Variants in MME observed in about 807,000 individuals in gnomAD.
MME encodes neprilysin.
Under a neutral mutation model 113.2 loss-of-function variants are expected in MME, and 98 were observed. That is an observed-to-expected ratio of 0.87 (90% CI 0.74 to 1.02). MME has a LOEUF of 1.02. Among genes scored for constraint, MME ranks in the 50% least tolerant of loss-of-function variants. The probability of loss-of-function intolerance (pLI) is 0.00; values close to 1 mark genes in which losing one functional copy is unlikely to be tolerated. For synonymous variants in MME, 292 were observed against 300.6 expected, an observed-to-expected ratio of 0.97 and a Z score of 0.30; for missense variants, 836 against 896.0, an observed-to-expected ratio of 0.93 and a Z score of 0.86.
chr3:155,106,356 C>T lies in MME; in HGVS notation c.197-8638C>T, dbSNP rs527472622. Among the ~76,000 whole-genome samples, 3 of 152,282 alleles carry T rather than the reference C, an allele frequency of 2.0e-5. No individual in the cohort carries two copies. The East Asian group carries it at 5.8e-4, about 29-fold the overall frequency. On this transcript the variant is annotated intron_variant, in intron 3 of 22. Coordinates refer to ENST00000360490, the MANE Select transcript of MME (RefSeq NM_007289.4). ...TACACTCAGCATCTGGTATCCCCCA[C>T]TCTCCATCTTTCTTCAACCAAGGCA... is the stretch of plus-strand genomic sequence containing the variant.
At chr3:155,127,581 G>C (rs553014216) in intron 8 of MME, among the ~76,000 whole-genome samples, 1 of 152,200 alleles carries the variant, frequency 6.6e-6, no homozygotes, top group African/African-American at 2.4e-5. Context: ...AGAGAGGAAG[G>C]TCGTATCATT....
At chr3:155,050,285 T>A (rs1182341922) in intron 1 of MME, among the ~76,000 whole-genome samples, 1 of 152,172 alleles carries the variant, frequency 6.6e-6, no homozygotes, top group Non-Finnish European at 1.5e-5. Context: ...AATAGTTTTG[T>A]GATGAACATA....
upstream of MME, among the ~76,000 whole-genome samples, chr3:155,076,202 G>T (rs1015102765): frequency 1.3e-5 from 2 of 152,190 alleles, no homozygotes; most frequent in African/African-American, 2.4e-5. Flanking sequence ...GCCAAATCAT[G>T]AATTCTTACA....
rs137927579 is a variant in MME at position 155,085,624 on chromosome 3, C to T, written c.196+530C>T. 7.7e-3 allele frequency: 1,182 copies of T among 152,570 alleles called. 10 individuals carry two copies. The highest frequency in any genetic ancestry group is 0.027 in the African/African-American group (1,120 of 41,530). The allele number at this position is 152,570 out of a possible 1,614,324, so 9.5% of individuals were successfully genotyped here. A position where few individuals can be genotyped will look rare whatever the true frequency, so the allele number is the denominator to read the frequency against. ...TCGGCTGACTGCAATCTCCGCCTCC[C>T]GGGTTCTAGCAATTCTCCTGCCTCA... On this transcript the variant is annotated intron_variant, in intron 3 of 22. Transcript: ENST00000360490.
chr3:155,104,149 T>C lies in MME; in HGVS notation c.197-10845T>C, dbSNP rs1336683834. 3.9e-5 allele frequency among the ~76,000 whole-genome samples: 6 copies of C among 152,198 alleles called. No homozygotes were observed. The South Asian group carries it at 1.2e-3, about 32-fold the overall frequency. ...GCAAGCTCTGTGAGGGCAGGGATTATGTCTGTTTATCACACCATGGTATGT... is the reference window on the plus strand; with the variant it reads ...GCAAGCTCTGTGAGGGCAGGGATTACGTCTGTTTATCACACCATGGTATGT... On this transcript the variant is annotated intron_variant, in intron 3 of 22. Transcript: ENST00000360490.
rs746907380 is a variant in MME, at chr3:155,180,354, T to C, written c.2154-6T>C. 6.2e-7 allele frequency: 1 copy of C among 1,612,036 alleles called. No homozygotes were observed. Among genetic ancestry groups the C allele is most frequent in the South Asian group, 1.1e-5 (1 of 91,064 alleles). On this transcript the variant is annotated splice_region_variant and splice_polypyrimidine_tract_variant and intron_variant, in intron 22 of 22. Transcript: ENST00000360490. ...CTGACGGTGACTTTTTTTGTTTGTT[T>C]CAAAGGATTATTGGGACTTTGCAGA...
At chr3:155,128,401 C>T (rs1036816851) in intron 8 of MME, among the ~76,000 whole-genome samples, 4 of 152,110 alleles carry the variant, frequency 2.6e-5, no homozygotes, top group Non-Finnish European at 4.4e-5. Flanking sequence ...AGATGTCAAC[C>T]ACCTTAAGTA....
intron 1 of MME, among the ~76,000 whole-genome samples, chr3:155,059,258 C>CA (rs11459710): frequency 0.072 from 3,805 of 53,138 alleles, 134 homozygotes; most frequent in African/African-American, 0.12. Context: ...AATTCTGTCT[C>CA]AAAAAAAAAA....
At chr3:155,089,964 A>T (rs1716145069) in intron 3 of MME, 1 of 334,962 alleles carries the variant, frequency 3.0e-6, no homozygotes, top group Non-Finnish European at 6.1e-6. Context: ...TATCTCCAAA[A>T]AAAAGAAAAA....
chr3:155,092,347 G>T (rs1432516488), intron 3 of MME, among the ~76,000 whole-genome samples: 1 of 152,228 alleles, frequency 6.6e-6, no homozygotes. Flanking sequence ...GAGTGAGGAT[G>T]CGGAGAAACT....
intron 3 of MME, among the ~76,000 whole-genome samples, chr3:155,090,935 C>A (rs907806141): frequency 5.9e-5 from 9 of 152,170 alleles, no homozygotes; most frequent in African/African-American, 2.2e-4. Flanking sequence ...GGCATCTCTG[C>A]CTTCTTGCCT....
intron 3 of MME, among the ~76,000 whole-genome samples, chr3:155,101,463 C>T (rs1717214806): frequency 6.6e-6 from 1 of 152,164 alleles, no homozygotes; most frequent in African/African-American, 2.4e-5. Context: ...GTAGCTCAAA[C>T]ATTCCACTTC....
intron 22 of MME, among the ~76,000 whole-genome samples, chr3:155,180,155 C>G (rs2108391936): frequency 6.6e-6 from 1 of 152,300 alleles, no homozygotes; most frequent in East Asian, 1.9e-4. Flanking sequence ...TCCCAAATTG[C>G]TTTTAACTCC....
intron 1 of MME, among the ~76,000 whole-genome samples, chr3:155,067,644 C>T (rs566691938): frequency 2.4e-4 from 36 of 152,010 alleles, no homozygotes; most frequent in African/African-American, 8.7e-4. Context: ...AAACACTTCA[C>T]CAAAAAAGAT....
chr3:155,145,998 T>A (rs1721474104), intron 14 of MME, among the ~76,000 whole-genome samples: 1 of 152,136 alleles, frequency 6.6e-6, no homozygotes, highest in African/African-American at 2.4e-5. Context: ...TGCATCCATT[T>A]GATGGGAAAC....
At chr3:155,173,942 T>G (rs1712245982) in intron 22 of MME, among the ~76,000 whole-genome samples, 1 of 152,088 alleles carries the variant, frequency 6.6e-6, no homozygotes, top group Admixed American at 6.6e-5. Context: ...AGGATTAAAT[T>G]ATCATGAGAG....
chr3:155,063,717 A>AT (rs1714278409), intron 1 of MME, among the ~76,000 whole-genome samples: 1 of 135,904 alleles, frequency 7.4e-6, no homozygotes, highest in African/African-American at 2.8e-5. Flanking sequence ...ATTATATTAT[A>AT]TATACCATTG....
chr3:155,081,048 A>G (rs1193099196), intron 1 of MME: 3 of 152,186 alleles, frequency 2.0e-5, no homozygotes, highest in South Asian at 2.1e-4. Flanking sequence ...CACCTAATTA[A>G]TGTCTGGGAA....
chr3:155,027,356 T>C (rs1355161782), intron 1 of MME, among the ~76,000 whole-genome samples: 1 of 152,232 alleles, frequency 6.6e-6, no homozygotes, highest in Non-Finnish European at 1.5e-5. Context: ...TCCTATTTCC[T>C]GTAAAGTCTA....
Sources: gnomAD v4.1 joint callset for allele counts (sites outside exome capture counted in the v4.1 genomes callset) on GRCh38, gnomAD v4.1.1 for gene constraint, MANE v1.5 for transcripts, NCBI Gene and HGNC (gene_info 2026-07-23, HGNC 2026-07-21) for gene names.